The following VWC2L variants were observed in gnomAD, a reference collection of about 807,000 sequenced individuals.
The protein encoded by VWC2L is von Willebrand factor C domain containing 2 like.
VWC2L carries 10 observed loss-of-function variants against 21.6 expected under a neutral mutation model. The ratio of observed to expected loss-of-function variants is 0.46; its 90% CI spans 0.29 to 0.78. The LOEUF is 0.78. VWC2L is among the 30% of genes least tolerant of loss of function. The pLI, the probability that VWC2L is intolerant of heterozygous loss-of-function variation, is 0.10. For synonymous variants in VWC2L, 96 were observed against 94.3 expected (o/e 1.02, Z -0.10); for missense variants, 209 against 277.1 (o/e 0.75, Z 1.74).
At chr2:214,474,973 G>A (rs766035052) in intron 3 of VWC2L, among the ~76,000 whole-genome samples, 18 of 152,096 alleles carry the variant, frequency 1.2e-4, no homozygotes, top group Non-Finnish European at 2.5e-4. Flanking sequence ...TGGAAATGAA[G>A]GATTTCAGAG....
chr2:214,469,104 TTG>T (rs1339367712), intron 3 of VWC2L, among the ~76,000 whole-genome samples: 4 of 152,138 alleles, frequency 2.6e-5, no homozygotes, highest in Non-Finnish European at 5.9e-5. Flanking sequence ...AATCAAATAA[TTG>T]TGTCTTATTA....
intron 3 of VWC2L, among the ~76,000 whole-genome samples, chr2:214,568,200 T>C (rs1393541659): frequency 6.6e-6 from 1 of 152,220 alleles, no homozygotes; most frequent in East Asian, 1.9e-4. Flanking sequence ...GAATATGTTC[T>C]ATAAACATTA....
intron 3 of VWC2L, among the ~76,000 whole-genome samples, chr2:214,528,501 C>T (rs1050783346): frequency 6.6e-6 from 1 of 152,134 alleles, no homozygotes. Flanking sequence ...CTTTTCTTTT[C>T]TCTGAGATAA....
chr2:214,554,258 C>T (rs1246640563), intron 3 of VWC2L, among the ~76,000 whole-genome samples: 1 of 152,092 alleles, frequency 6.6e-6, no homozygotes, highest in African/African-American at 2.4e-5. Context: ...CTACAGTGTA[C>T]GGTGTCAACC....
intron 3 of VWC2L, among the ~76,000 whole-genome samples, chr2:214,504,982 A>G (rs978549893): frequency 2.0e-5 from 3 of 152,186 alleles, no homozygotes; most frequent in African/African-American, 7.2e-5. Flanking sequence ...TGAACACTTA[A>G]AGATATCATA....
intron 3 of VWC2L, among the ~76,000 whole-genome samples, chr2:214,466,778 C>T (rs946629100): frequency 6.6e-6 from 1 of 152,132 alleles, no homozygotes; most frequent in African/African-American, 2.4e-5. Context: ...GATTTGGTTT[C>T]TTAAATGTCC....
intron 3 of VWC2L, among the ~76,000 whole-genome samples, chr2:214,533,152 T>G (rs1222813859): frequency 6.6e-6 from 1 of 152,012 alleles, no homozygotes; most frequent in Non-Finnish European, 1.5e-5. Flanking sequence ...CACTTAACCT[T>G]GCCATGCTCC....
At chr2:214,560,967 G>T (rs1298551335) in intron 3 of VWC2L, among the ~76,000 whole-genome samples, 1 of 152,138 alleles carries the variant, frequency 6.6e-6, no homozygotes, top group African/African-American at 2.4e-5. Flanking sequence ...TGAATTCATT[G>T]CCTTTTGGAT....
At chr2:214,447,930 C>G (rs1274938105) in intron 3 of VWC2L, among the ~76,000 whole-genome samples, 1 of 151,990 alleles carries the variant, frequency 6.6e-6, no homozygotes, top group East Asian at 1.9e-4. Context: ...AATCTTAGGA[C>G]TGATCTCATG....
intron 3 of VWC2L, among the ~76,000 whole-genome samples, chr2:214,454,191 A>C (rs969031083): frequency 6.6e-6 from 1 of 152,218 alleles, no homozygotes; most frequent in Middle Eastern, 3.4e-3. Context: ...GATTCAGTTG[A>C]ATTTTCCACA....
intron 3 of VWC2L, among the ~76,000 whole-genome samples, chr2:214,517,893 G>A (rs755877176): frequency 7.9e-5 from 12 of 152,216 alleles, no homozygotes; most frequent in East Asian, 7.7e-4. Flanking sequence ...GTGGTCAGGC[G>A]TGGTGGCTCA....
intron 3 of VWC2L, among the ~76,000 whole-genome samples, chr2:214,466,616 T>C (rs146147240): frequency 1.9e-3 from 296 of 152,334 alleles, no homozygotes; most frequent in African/African-American, 6.9e-3. Flanking sequence ...AATTGTCCCA[T>C]GGTTTAATAA....
At chr2:214,417,773 T>C (rs559871481) in intron 2 of VWC2L, among the ~76,000 whole-genome samples, 2 of 152,298 alleles carry the variant, frequency 1.3e-5, no homozygotes, top group Admixed American at 6.5e-5. Context: ...CGGATTGTTC[T>C]GTACATAGAT....
chr2:214,451,654 G>A (rs997435819), intron 3 of VWC2L, among the ~76,000 whole-genome samples: 2 of 152,122 alleles, frequency 1.3e-5, no homozygotes, highest in African/African-American at 2.4e-5. Context: ...TTTAAAGGCA[G>A]CAAAAGTCAC....
At chr2:214,441,223 C>T (rs1432119084) in intron 3 of VWC2L, among the ~76,000 whole-genome samples, 3 of 152,066 alleles carry the variant, frequency 2.0e-5, no homozygotes, top group East Asian at 3.9e-4. Context: ...ACTTCACAGG[C>T]ATCCAATACC....
chr2:214,562,083 C>T (rs1290810930), intron 3 of VWC2L, among the ~76,000 whole-genome samples: 1 of 151,840 alleles, frequency 6.6e-6, no homozygotes, highest in Non-Finnish European at 1.5e-5. Flanking sequence ...TTTGCTGCAC[C>T]TATCAACTCA....
chr2:214,576,054 G>A lies in VWC2L; in HGVS notation c.*234G>A, dbSNP rs1455931875. The A allele has an allele frequency of 7.2e-6, 2 of 276,366 alleles. No individual in the cohort carries two copies. The highest frequency in any genetic ancestry group is 4.4e-5 in the African/African-American group (2 of 45,530). 17.1% of individuals were successfully genotyped at this position (276,366 alleles called of 1,614,324 possible). A position where few individuals can be genotyped will look rare whatever the true frequency, so the allele number is the denominator to read the frequency against. On this transcript the variant is annotated 3_prime_UTR_variant, in exon 4 of 4. Coordinates refer to ENST00000312504, the MANE Select transcript of VWC2L (RefSeq NM_001080500.4). ...CTAAATCGCTTTTGTATTTACCAAT[G>A]CTTGATGGTGACTTGACGACTGGAT... is the stretch of plus-strand genomic sequence containing the variant.
chr2:214,555,877 A>C (rs911957480), intron 3 of VWC2L, among the ~76,000 whole-genome samples: 1 of 152,150 alleles, frequency 6.6e-6, no homozygotes, highest in African/African-American at 2.4e-5. Context: ...ATAAAATCTC[A>C]ATCATTCTCC....
intron 3 of VWC2L, among the ~76,000 whole-genome samples, chr2:214,556,283 T>G (rs967195607): frequency 6.6e-6 from 1 of 152,106 alleles, no homozygotes; most frequent in Non-Finnish European, 1.5e-5. Context: ...AATTTAGTTT[T>G]GGAGGTTTAT....
Sources: allele counts gnomAD v4.1 joint callset (sites outside exome capture counted in the v4.1 genomes callset), GRCh38; gene constraint gnomAD v4.1.1; transcripts MANE v1.5; gene names NCBI Gene and HGNC (gene_info 2026-07-23, HGNC 2026-07-21).